Variants in ANKLE2 observed in about 807,000 individuals in gnomAD.
ANKLE2 encodes the protein ankyrin repeat and LEM domain-containing protein 2.
A neutral mutation model predicts 84.2 loss-of-function variants in ANKLE2; 55 were observed. The ratio of observed to expected loss-of-function variants is 0.65; its 90% CI spans 0.53 to 0.82. ANKLE2 has a LOEUF of 0.82. Ranked by LOEUF, ANKLE2 falls within the 40% of genes least tolerant of loss-of-function variation. ANKLE2 has a pLI of 0.00. For synonymous variants in ANKLE2, 551 were observed against 486.1 expected (o/e 1.13, Z -1.76); for missense variants, 1,238 against 1,201.9 (o/e 1.03, Z -0.44).
intron 2 of ANKLE2, 57 bp from the exon 3 acceptor site, chr12:132,750,906 C>G: frequency 1.5e-5 from 22 of 1,497,050 alleles, no homozygotes; most frequent in Non-Finnish European, 2.0e-5. Context: ...GAGCTGTCAC[C>G]TGGCCATGCC....
At chr12:132,745,331 C>T in intron 5 of ANKLE2, 1 of 178,088 alleles carries the variant, frequency 5.6e-6, no homozygotes, top group South Asian at 1.5e-4. Flanking sequence ...GATGAGGAAA[C>T]TGTCACTCTA....
At chr12:132,755,850 T>C (rs1306877220) in intron 1 of ANKLE2, 1 of 150,890 alleles carries the variant, frequency 6.6e-6, no homozygotes, top group East Asian at 2.0e-4. Flanking sequence ...CGTGAGCCTT[T>C]TTTCTTTTTG....
chr12:132,731,176 G>A (rs2043836749), intron 10 of ANKLE2: 1 of 152,218 alleles, frequency 6.6e-6, no homozygotes, highest in Non-Finnish European at 1.5e-5. Flanking sequence ...CTGCTACTTA[G>A]GAAATGCCTC....
intron 6 of ANKLE2, chr12:132,741,793 T>C (rs2044128811): frequency 3.9e-6 from 2 of 514,110 alleles, no homozygotes; most frequent in Non-Finnish European, 3.8e-6. Context: ...CAGAAGCACG[T>C]GAACATGTTT....
intron 1 of ANKLE2, chr12:132,759,629 T>A (rs1020177665): frequency 7.8e-6 from 1 of 127,802 alleles, no homozygotes. Flanking sequence ...AGTATTTTTT[T>A]ATTTCAGCCA....
At position 132,730,288 on chromosome 12, in the gene ANKLE2, A is replaced by G. The variant is rs374835097; in HGVS notation, c.1892-18T>C. 65 of 1,539,078 alleles carry G rather than the reference A, an allele frequency of 4.2e-5. No homozygotes were observed. The highest frequency in any genetic ancestry group is 1.2e-4 in the South Asian group (10 of 81,036). ...ATTGCTGCCTGTGAGGACAACAAGGAGCACTTCAGTGATGGGAACGACAGG... is the reference window on the plus strand; with the variant it reads ...ATTGCTGCCTGTGAGGACAACAAGGGGCACTTCAGTGATGGGAACGACAGG... On this transcript the variant is annotated intron_variant, in intron 10 of 12. Transcript: ENST00000357997.
intron 1 of ANKLE2, chr12:132,760,585 A>G (rs2136194625): frequency 6.6e-6 from 1 of 152,328 alleles, no homozygotes; most frequent in Non-Finnish European, 1.5e-5. Flanking sequence ...ACTCACAGAC[A>G]TGTTTTACTT....
chr12:132,737,287 G>A, intron 7 of ANKLE2: 1 of 460,252 alleles, frequency 2.2e-6, no homozygotes, highest in African/African-American at 1.9e-5. Context: ...CACTTAACCA[G>A]CCTCATTTTC....
At position 132,743,394 on chromosome 12, in the gene ANKLE2, C is replaced by CAAAATA; in HGVS notation, c.1231-119_1231-118insTATTTT. The CAAAATA allele has an allele frequency of 7.5e-7, 1 of 1,330,330 alleles. No individual in the cohort carries two copies. The highest frequency in any genetic ancestry group is 9.9e-7 in the Non-Finnish European group (1 of 1,008,358). The allele number at this position is 1,330,330 out of a possible 1,614,324, so 82.4% of individuals were successfully genotyped here. ...ATTTATTTATTTTGAGACGGAGTCT[C>CAAAATA]ACTGGCGTGATCTTGGCTCACTGCA... On this transcript the variant is annotated intron_variant, in intron 5 of 12. Transcript: ENST00000357997. The surrounding 1 kb of genome is among the most constrained non-coding windows in gnomAD (Gnocchi z 4.1).
chr12:132,732,769 G>C (rs1484036674), intron 10 of ANKLE2, among the ~76,000 whole-genome samples: 14 of 128,264 alleles, frequency 1.1e-4, no homozygotes, highest in African/African-American at 3.6e-4. Context: ...TGCGCGTCCT[G>C]GTGTCTGATA....
At chr12:132,733,648 GA>G (rs1297600322) in intron 10 of ANKLE2, among the ~76,000 whole-genome samples, 2 of 150,706 alleles carry the variant, frequency 1.3e-5, no homozygotes, top group African/African-American at 2.4e-5. Flanking sequence ...CCTGGTGTCT[GA>G]AATACACTGT....
At chr12:132,758,762 C>T (rs978796645) in intron 1 of ANKLE2, 1 of 152,396 alleles carries the variant, frequency 6.6e-6, no homozygotes. Context: ...ACCTTGTGAT[C>T]CACCTGCCTC....
intron 2 of ANKLE2, among the ~76,000 whole-genome samples, chr12:132,753,862 T>C (rs1475180535): frequency 1.3e-5 from 2 of 151,800 alleles, no homozygotes; most frequent in Non-Finnish European, 2.9e-5. Context: ...GCCAGAAAGG[T>C]TGAGGCTGCA....
intron 8 of ANKLE2, among the ~76,000 whole-genome samples, chr12:132,736,127 A>AT (rs943070356): frequency 4.2e-4 from 64 of 152,016 alleles, no homozygotes; most frequent in African/African-American, 1.4e-3. Context: ...AATTTTTTGT[A>AT]TTTTTAGTAG....
intron 3 of ANKLE2, among the ~76,000 whole-genome samples, chr12:132,749,305 G>A (rs1229636281): frequency 6.6e-6 from 1 of 152,082 alleles, no homozygotes; most frequent in African/African-American, 2.4e-5. Context: ...ACAGGCACCT[G>A]CCACCACGGC....
chr12:132,751,153 G>T, intron 2 of ANKLE2: 1 of 210,794 alleles, frequency 4.7e-6, no homozygotes, highest in African/African-American at 2.3e-5. Flanking sequence ...TTATTAAAAG[G>T]CAAATTAAAA....
Position 132,730,222 on chromosome 12 carries a change from CTCA to C in ANKLE2, c.1937_1939del (p.Met646del), listed in dbSNP as rs1566011190. On this transcript the variant is annotated inframe_deletion, in exon 11 of 13. Coordinates refer to ENST00000357997, the MANE Select transcript of ANKLE2 (RefSeq NM_015114.3). ...TTGCCGATTTTTTATTTCTTCCAAG[CTCA>C]TGTCATCTTCATCTAGAAACGCCCT... The C allele has an allele frequency of 1.9e-6, 3 of 1,586,180 alleles. No individual in the cohort carries two copies. The South Asian group carries it at 3.4e-5, about 18-fold the overall frequency.
At chr12:132,731,528 ACAC>A (rs1593138838) in intron 10 of ANKLE2, 1 of 147,044 alleles carries the variant, frequency 6.8e-6, no homozygotes, top group African/African-American at 2.5e-5. Context: ...ACACACTCAC[ACAC>A]ACACACACAC....
Position 132,732,295 on chromosome 12 carries a change from CGT to C in ANKLE2, c.1892-2027_1892-2026del, listed in dbSNP as rs1566013646. The C allele has an allele frequency of 1.0e-4, 13 of 130,566 alleles. 1 individual carries two copies. Among genetic ancestry groups the C allele is most frequent in the African/African-American group, 3.4e-4 (12 of 35,024 alleles). The allele number at this position is 130,566 out of a possible 1,614,324, so 8.1% of individuals were successfully genotyped here. On this transcript the variant is annotated intron_variant, in intron 10 of 12. Transcript: ENST00000357997. The stretch of plus-strand genomic sequence containing the variant: ...CTGCATCCTGGTGTCTGATACGCAC[CGT>C]GTGAAGCTCTCTGCGTCCTGGTGTC...
Sources: gnomAD v4.1 joint callset for allele counts (sites outside exome capture counted in the v4.1 genomes callset) on GRCh38, gnomAD v4.1.1 for gene constraint, Gnocchi (gnomAD v3.1) non-coding constraint, MANE v1.5 for transcripts, NCBI Gene and HGNC (gene_info 2026-07-23, HGNC 2026-07-21) for gene names.